The following CSNK1G2 variants were observed in gnomAD, a reference collection of about 807,000 sequenced individuals.
The protein encoded by CSNK1G2 is casein kinase 1 gamma 2.
CSNK1G2 carries 11 observed loss-of-function variants against 48.0 expected under a neutral mutation model. That is an observed-to-expected ratio of 0.23 (90% CI 0.14 to 0.38). CSNK1G2 has a LOEUF of 0.38. Among genes scored for constraint, CSNK1G2 ranks in the 10% least tolerant of loss-of-function variants. The probability of loss-of-function intolerance (pLI) is 1.00; values close to 1 mark genes in which losing one functional copy is unlikely to be tolerated. For missense variants in CSNK1G2, 446 were observed against 595.5 expected (o/e 0.75, Z 2.61); for synonymous variants, 337 against 254.1 (o/e 1.33, Z -3.10).
intron 2 of CSNK1G2, among the ~76,000 whole-genome samples, chr19:1,971,751 C>T (rs984202116): frequency 8.2e-5 from 12 of 145,824 alleles, no homozygotes; most frequent in African/African-American, 2.8e-4. Context: ...ATGAGAGTGA[C>T]GTGGGTGATG....
intron 1 of CSNK1G2, among the ~76,000 whole-genome samples, chr19:1,943,950 C>T (rs1351625028): frequency 2.0e-5 from 3 of 152,178 alleles, no homozygotes; most frequent in African/African-American, 7.2e-5. Context: ...CACAGCCTGG[C>T]AGGGGCTGCG....
intron 1 of CSNK1G2, among the ~76,000 whole-genome samples, chr19:1,955,524 C>CTGAGGGGTGGGTGTGTG (rs376694366): frequency 6.6e-6 from 1 of 151,680 alleles, no homozygotes; most frequent in African/African-American, 2.4e-5. Context: ...GGGTGAGGCT[C>CTGAGGGGTGGGTGTGTG]CGCGGGGTGG....
rs367870019 is a variant in CSNK1G2, at chr19:1,969,835, C to T, written c.63C>T (p.Ala21=). 32 of 1,310,372 alleles carry T rather than the reference C, an allele frequency of 2.4e-5. No homozygotes were observed. The highest frequency in any genetic ancestry group is 3.2e-5 in the South Asian group (1 of 31,676). The allele number at this position is 1,310,372 out of a possible 1,614,324, so 81.2% of individuals were successfully genotyped here. ...AGGAGGGCCGGAGAATGTCCAAGGCCGGCGGGGGCCGGAGCAGCCACGGCA... is the reference window on the plus strand; with the variant it reads ...AGGAGGGCCGGAGAATGTCCAAGGCTGGCGGGGGCCGGAGCAGCCACGGCA... ...ETEEGRRMSK[A]GGGRSSHGIR... is the part of the protein sequence containing the mutation. Residue 21 remains alanine, a synonymous_variant, in exon 2 of 12, where the codon GCC becomes GCT. Coordinates refer to ENST00000255641, the MANE Select transcript of CSNK1G2 (RefSeq NM_001319.7).
intron 2 of CSNK1G2, chr19:1,975,642 G>A (rs2015727046): frequency 1.0e-6 from 1 of 985,368 alleles, no homozygotes; most frequent in South Asian, 4.7e-5. Flanking sequence ...GGGCAGCGCA[G>A]GAAGGACACG....
chr19:1,956,234 G>A (rs1172863869), intron 1 of CSNK1G2, among the ~76,000 whole-genome samples: 3 of 152,146 alleles, frequency 2.0e-5, no homozygotes, highest in African/African-American at 2.4e-5. Flanking sequence ...ACCCAGCAGT[G>A]GGTAGACCCA....
intron 1 of CSNK1G2, among the ~76,000 whole-genome samples, chr19:1,948,439 C>T (rs1052193099): frequency 1.4e-5 from 2 of 142,834 alleles, no homozygotes; most frequent in African/African-American, 2.6e-5. Flanking sequence ...AGGAGAATGG[C>T]ATGAACCCGG....
intron 1 of CSNK1G2, chr19:1,953,822 T>G: frequency 1.9e-6 from 1 of 526,578 alleles, no homozygotes; most frequent in South Asian, 1.4e-5. Flanking sequence ...CGATCACCTG[T>G]GGCCCTCCTG....
Position 1,980,356 on chromosome 19 carries a change from G to A in CSNK1G2, c.*153G>A. On this transcript the variant is annotated 3_prime_UTR_variant, in exon 12 of 12. Transcript: ENST00000255641. ...TGCAGGGGCCGCGCCTGGCTCAGGCGGCCCCACCCCCGGGACGTGGGGTCA... is the reference window on the plus strand; with the variant it reads ...TGCAGGGGCCGCGCCTGGCTCAGGCAGCCCCACCCCCGGGACGTGGGGTCA... 2.2e-6 allele frequency: 2 copies of A among 921,296 alleles called. No individual in the cohort carries two copies. The highest frequency in any genetic ancestry group is 3.4e-6 in the Non-Finnish European group (2 of 586,494). The allele number at this position is 921,296 out of a possible 1,614,324, so 57.1% of individuals were successfully genotyped here.
chr19:1,961,067 G>A (rs964159511), intron 1 of CSNK1G2, among the ~76,000 whole-genome samples: 2 of 152,216 alleles, frequency 1.3e-5, no homozygotes, highest in African/African-American at 4.8e-5. Context: ...CTGTGGATGC[G>A]TCGCCCCCGC....
intron 1 of CSNK1G2, chr19:1,953,862 G>C (rs769179876): frequency 5.6e-6 from 3 of 533,360 alleles, no homozygotes; most frequent in Non-Finnish European, 1.2e-5. Flanking sequence ...TGCCTTTGCT[G>C]ATGGCGACCT....
chr19:1,970,404 C>T (rs771760566), intron 2 of CSNK1G2, among the ~76,000 whole-genome samples: 6 of 152,234 alleles, frequency 3.9e-5, no homozygotes, highest in Non-Finnish European at 7.3e-5. Context: ...GGTGATGATA[C>T]TGCTGTGTGC....
intron 2 of CSNK1G2, chr19:1,976,198 G>A (rs1327814826): frequency 2.6e-5 from 24 of 919,506 alleles, no homozygotes; most frequent in Admixed American, 1.5e-4. Flanking sequence ...TCCTAATAAC[G>A]TGTTACACTG....
chr19:1,952,337 T>C (rs1208597484), intron 1 of CSNK1G2, among the ~76,000 whole-genome samples: 1 of 151,982 alleles, frequency 6.6e-6, no homozygotes, highest in African/African-American at 2.4e-5. Flanking sequence ...TTTTTTTTTT[T>C]CTTGAGACAG....
intron 1 of CSNK1G2, chr19:1,954,475 A>C (rs2014909869): frequency 6.4e-6 from 1 of 155,902 alleles, no homozygotes; most frequent in Non-Finnish European, 1.4e-5. Context: ...GGTCCACATG[A>C]GTCTAGGTGC....
chr19:1,979,923 A>G lies in CSNK1G2; in HGVS notation c.1099A>G (p.Thr367Ala), dbSNP rs771387763. 6.2e-7 allele frequency: 1 copy of G among 1,606,048 alleles called. No homozygotes were observed. The highest frequency in any genetic ancestry group is 1.3e-5 in the African/African-American group (1 of 74,740). The change falls in exon 11 of 12, where the codon ACC (threonine) becomes GCC (alanine). Residue 367 changes from threonine to alanine, a missense_variant. Around this residue, in one of 2 missense-constraint regions of CSNK1G2, gnomAD observed 188 missense variants for 179.6 expected, o/e 1.05. Coordinates refer to ENST00000255641, the MANE Select transcript of CSNK1G2 (RefSeq NM_001319.7). ...CTGCCCCCACCAGGCGTTGAACTCCACCAACGGGGAGCTGAATGCGGACGA... is the reference window on the plus strand; with the variant it reads ...CTGCCCCCACCAGGCGTTGAACTCCGCCAACGGGGAGCTGAATGCGGACGA... ...PHSKNQALNS[T>A]NGELNADDPT...
chr19:1,946,059 C>T (rs867885793), intron 1 of CSNK1G2, among the ~76,000 whole-genome samples: 5 of 152,126 alleles, frequency 3.3e-5, no homozygotes, highest in African/African-American at 4.8e-5. Flanking sequence ...GCGGAGGCCA[C>T]GCGTATGTTC....
chr19:1,971,115 C>G (rs778275852), intron 2 of CSNK1G2, among the ~76,000 whole-genome samples: 1 of 152,214 alleles, frequency 6.6e-6, no homozygotes, highest in Non-Finnish European at 1.5e-5. Context: ...GTAGTTGCCA[C>G]TCGTGGGCAG....
rs1052268091 is a variant in CSNK1G2 at position 1,964,794 on chromosome 19, C to T, written c.-265-4714C>T. On this transcript the variant is annotated intron_variant, in intron 1 of 11. Transcript: ENST00000255641. ...AGGCTGGAGTGCAGTGGTGCCATCT[C>T]GGTTCACTGCAAGCTCCCCCTCCCG... is the stretch of plus-strand genomic sequence containing the variant. Among the ~76,000 whole-genome samples the T allele has an allele frequency of 2.6e-5, 4 of 151,086 alleles. No individual in the cohort carries two copies. In the South Asian group the frequency reaches 8.4e-4, roughly 32 times the overall value.
intron 1 of CSNK1G2, chr19:1,952,768 A>G (rs1276967973): frequency 1.6e-5 from 5 of 312,550 alleles, no homozygotes; most frequent in Non-Finnish European, 3.2e-5. Context: ...AGGCCAGGGG[A>G]TATAGAAGAC....
Sources: gnomAD v4.1 joint callset for allele counts (sites outside exome capture counted in the v4.1 genomes callset) on GRCh38, gnomAD v4.1.1 for gene constraint, gnomAD v4.1.1 regional missense constraint, MANE v1.5 for transcripts, NCBI Gene and HGNC (gene_info 2026-07-23, HGNC 2026-07-21) for gene names.